Variants in ADAMTS17 observed in about 807,000 individuals in gnomAD.
ADAMTS17 encodes the protein ADAM metallopeptidase with thrombospondin type 1 motif 17.
A neutral mutation model predicts 141.5 loss-of-function variants in ADAMTS17; 113 were observed. The ratio of observed to expected loss-of-function variants is 0.80; its 90% CI spans 0.69 to 0.93. ADAMTS17 has a LOEUF of 0.93. Ranked by LOEUF, ADAMTS17 falls within the 40% of genes least tolerant of loss-of-function variation. ADAMTS17 has a pLI of 0.00. For missense variants in ADAMTS17, 1,659 were observed against 1,517.9 expected, an observed-to-expected ratio of 1.09 and a Z score of -1.54; for synonymous variants, 768 against 630.6, an observed-to-expected ratio of 1.22 and a Z score of -3.27.
chr15:100,142,845 T>G (rs1253568662), intron 10 of ADAMTS17, among the ~76,000 whole-genome samples: 2 of 152,238 alleles, frequency 1.3e-5, no homozygotes, highest in African/African-American at 4.8e-5. Flanking sequence ...AGATCCTGTC[T>G]TCCTGAAATG....
chr15:100,246,858 C>T (rs896129910), intron 7 of ADAMTS17, among the ~76,000 whole-genome samples: 1 of 127,912 alleles, frequency 7.8e-6, no homozygotes, highest in Non-Finnish European at 1.6e-5. Context: ...AAGTGGTTTG[C>T]CCTTTTATTT....
At chr15:100,312,884 T>C (rs2045448212) in intron 3 of ADAMTS17, among the ~76,000 whole-genome samples, 1 of 152,088 alleles carries the variant, frequency 6.6e-6, no homozygotes, top group African/African-American at 2.4e-5. Flanking sequence ...TAAGTAATAA[T>C]ACATAAATAA....
At chr15:100,174,645 G>T (rs1277203054) in intron 8 of ADAMTS17, among the ~76,000 whole-genome samples, 1 of 152,126 alleles carries the variant, frequency 6.6e-6, no homozygotes, top group Non-Finnish European at 1.5e-5. Flanking sequence ...AATCACTGCT[G>T]CTCAACCGGC....
chr15:100,216,220 G>A (rs1011261906), intron 7 of ADAMTS17, among the ~76,000 whole-genome samples: 2 of 152,224 alleles, frequency 1.3e-5, no homozygotes, highest in African/African-American at 2.4e-5. Flanking sequence ...AATGTTCAGA[G>A]TAAACCCTGA....
chr15:100,143,157 G>A (rs571223192), intron 10 of ADAMTS17, among the ~76,000 whole-genome samples: 1 of 152,322 alleles, frequency 6.6e-6, no homozygotes, highest in East Asian at 1.9e-4. Flanking sequence ...CCTCTCTCAT[G>A]TGAGAAAGCG....
At chr15:100,277,431 A>G (rs1000699750) in intron 4 of ADAMTS17, among the ~76,000 whole-genome samples, 1 of 152,192 alleles carries the variant, frequency 6.6e-6, no homozygotes, top group Non-Finnish European at 1.5e-5. Context: ...CCTGGATGAT[A>G]AATTATGAAA....
intron 7 of ADAMTS17, among the ~76,000 whole-genome samples, chr15:100,247,108 A>C (rs1416879249): frequency 6.6e-6 from 1 of 151,984 alleles, no homozygotes; most frequent in African/African-American, 2.4e-5. Flanking sequence ...GCTAGTCTCG[A>C]ACTCCTGACC....
chr15:100,144,576 A>G (rs560729253), intron 10 of ADAMTS17, among the ~76,000 whole-genome samples: 1 of 152,122 alleles, frequency 6.6e-6, no homozygotes, highest in East Asian at 1.9e-4. Flanking sequence ...GTGATTCCTA[A>G]TCACAGTGGC....
rs183993126 is a variant in ADAMTS17 at position 100,089,398 on chromosome 15, T to C, written c.2137+6958A>G. ...CACTGTTGGTGGGATTGTAAACTAG[T>C]TCAACCATTGTGGAAGACAGTGTGG... On this transcript the variant is annotated intron_variant, in intron 15 of 21. Coordinates refer to ENST00000268070, the MANE Select transcript of ADAMTS17 (RefSeq NM_139057.4). 6.5e-3 allele frequency among the ~76,000 whole-genome samples: 972 copies of C among 149,000 alleles called. 10 individuals are homozygous for C. The highest frequency in any genetic ancestry group is 9.9e-3 in the Non-Finnish European group (670 of 67,774).
At chr15:100,277,687 A>T (rs1007809594) in intron 4 of ADAMTS17, among the ~76,000 whole-genome samples, 1 of 152,254 alleles carries the variant, frequency 6.6e-6, no homozygotes, top group Non-Finnish European at 1.5e-5. Flanking sequence ...CACACGAGGA[A>T]CACGGAACTA....
chr15:100,135,151 G>A (rs1358232926), intron 10 of ADAMTS17, among the ~76,000 whole-genome samples: 2 of 152,050 alleles, frequency 1.3e-5, no homozygotes, highest in Non-Finnish European at 2.9e-5. Flanking sequence ...TTATAGACAG[G>A]GCTTTCTCAT....
intron 4 of ADAMTS17, among the ~76,000 whole-genome samples, chr15:100,278,230 G>A (rs1447557072): frequency 6.6e-6 from 1 of 151,786 alleles, no homozygotes; most frequent in African/African-American, 2.4e-5. Flanking sequence ...TGGTGGTGGT[G>A]GTTGCATTAA....
chr15:100,166,996 G>A (rs1048527745), intron 8 of ADAMTS17, among the ~76,000 whole-genome samples: 32 of 152,246 alleles, frequency 2.1e-4, no homozygotes, highest in African/African-American at 5.1e-4. Flanking sequence ...AACTTTCTGC[G>A]ATGACGGGAA....
intron 15 of ADAMTS17, among the ~76,000 whole-genome samples, chr15:100,055,687 C>G (rs943342399): frequency 5.9e-5 from 9 of 152,194 alleles, no homozygotes; most frequent in African/African-American, 1.9e-4. Context: ...ACTGAACTGT[C>G]CTGGCTATGA....
intron 15 of ADAMTS17, chr15:100,074,195 T>C (rs950732090): frequency 6.5e-6 from 1 of 152,964 alleles, no homozygotes; most frequent in Admixed American, 6.5e-5. Context: ...GTAGTCATTT[T>C]TCTTTTCTAA....
intron 9 of ADAMTS17, among the ~76,000 whole-genome samples, chr15:100,154,843 C>T (rs8035655): frequency 0.36 from 54,342 of 152,022 alleles, 10,030 homozygotes; most frequent in African/African-American, 0.45. Flanking sequence ...TGCTCCATTC[C>T]GCAGCGGCCC....
At chr15:100,301,381 G>A (rs553636362) in intron 3 of ADAMTS17, among the ~76,000 whole-genome samples, 1 of 151,944 alleles carries the variant, frequency 6.6e-6, no homozygotes, top group South Asian at 2.1e-4. Flanking sequence ...CTGAAGTGCA[G>A]TGGTGTAATC....
chr15:100,200,908 C>A (rs2041306097), intron 7 of ADAMTS17, among the ~76,000 whole-genome samples: 1 of 151,982 alleles, frequency 6.6e-6, no homozygotes, highest in Non-Finnish European at 1.5e-5. Flanking sequence ...ACCTGCTCTC[C>A]CCCATGGCTG....
At chr15:100,006,678 A>C (rs2061041662) in intron 18 of ADAMTS17, among the ~76,000 whole-genome samples, 1 of 152,166 alleles carries the variant, frequency 6.6e-6, no homozygotes, top group South Asian at 2.1e-4. Context: ...GCCTCCTCAG[A>C]ATGGGCGCAA....
Sources: gnomAD v4.1 joint callset for allele counts (sites outside exome capture counted in the v4.1 genomes callset) on GRCh38, gnomAD v4.1.1 for gene constraint, MANE v1.5 for transcripts, NCBI Gene and HGNC (gene_info 2026-07-23, HGNC 2026-07-21) for gene names.